The following LHFPL6 variants were observed in gnomAD, a reference collection of about 807,000 sequenced individuals.
LHFPL6 encodes LHFPL tetraspan subfamily member 6, also known as LHFPL tetraspan subfamily member 6 protein.
Under a neutral mutation model 20.6 loss-of-function variants are expected in LHFPL6, and 9 were observed. The ratio of observed to expected loss-of-function variants is 0.44; its 90% CI spans 0.26 to 0.76. The LOEUF is 0.76. LHFPL6 is among the 30% of genes least tolerant of loss of function. The pLI, the probability that LHFPL6 is intolerant of heterozygous loss-of-function variation, is 0.20. For missense variants in LHFPL6, 218 were observed against 253.5 expected (o/e 0.86, Z 0.95); for synonymous variants, 105 against 98.7 (o/e 1.06, Z -0.38).
At chr13:39,596,473 A>G (rs1160793728) in intron 2 of LHFPL6, among the ~76,000 whole-genome samples, 1 of 152,128 alleles carries the variant, frequency 6.6e-6, no homozygotes. Context: ...ACTCCACCAA[A>G]TCTACTGACA....
intron 2 of LHFPL6, among the ~76,000 whole-genome samples, chr13:39,381,613 T>A (rs543105607): frequency 6.6e-6 from 1 of 152,082 alleles, no homozygotes; most frequent in African/African-American, 2.4e-5. Context: ...TAGTCCACCA[T>A]CACTGAAGTC....
chr13:39,586,562 T>C (rs543549911), intron 2 of LHFPL6, among the ~76,000 whole-genome samples: 6 of 152,346 alleles, frequency 3.9e-5, no homozygotes, highest in African/African-American at 9.6e-5. Context: ...TGGCTACTTA[T>C]ATAAACAGAG....
Position 39,389,690 on chromosome 13 carries a change from C to T in LHFPL6, c.386-11164G>A, listed in dbSNP as rs151213417. On this transcript the variant is annotated intron_variant, in intron 2 of 3. Transcript: ENST00000379589. ...GGCAGACAGTGGCATGTTATGTTTG[C>T]ATATGATGACAGAAGATGTTCTATA... is the stretch of plus-strand genomic sequence containing the variant. Among the ~76,000 whole-genome samples the T allele has an allele frequency of 4.8e-3, 729 of 152,278 alleles. 9 individuals carry two copies. Among genetic ancestry groups the T allele is most frequent in the African/African-American group, 0.016 (679 of 41,566 alleles).
rs566246518 is a variant in LHFPL6 at position 39,462,244 on chromosome 13, C to T, written c.386-83718G>A. On this transcript the variant is annotated intron_variant, in intron 2 of 3. Coordinates refer to ENST00000379589, the MANE Select transcript of LHFPL6 (RefSeq NM_005780.3). The stretch of plus-strand genomic sequence containing the variant: ...ACCTTTAGAAGAAGAGGCAGCTCAA[C>T]CCTCAGAAACACTCCCCTCTAAGGA... Among the ~76,000 whole-genome samples, 12 of 152,304 alleles carry T rather than the reference C, an allele frequency of 7.9e-5. No individual in the cohort carries two copies. In the South Asian group the frequency reaches 2.5e-3, roughly 32 times the overall value.
At chr13:39,580,295 T>G (rs1413252294) in intron 2 of LHFPL6, among the ~76,000 whole-genome samples, 1 of 151,958 alleles carries the variant, frequency 6.6e-6, no homozygotes, top group African/African-American at 2.4e-5. Context: ...AAAAAAAAAC[T>G]TGTCCAGACA....
At chr13:39,402,953 T>G (rs1871029516) in intron 2 of LHFPL6, among the ~76,000 whole-genome samples, 1 of 152,222 alleles carries the variant, frequency 6.6e-6, no homozygotes, top group Non-Finnish European at 1.5e-5. Context: ...CCCACAGTAC[T>G]CAAGTCCTCA....
At chr13:39,439,049 A>G (rs1417223973) in intron 2 of LHFPL6, among the ~76,000 whole-genome samples, 1 of 152,148 alleles carries the variant, frequency 6.6e-6, no homozygotes, top group Non-Finnish European at 1.5e-5. Flanking sequence ...AGAATGTTAG[A>G]TCCATCAACA....
At chr13:39,597,642 T>C (rs771446988) in intron 2 of LHFPL6, among the ~76,000 whole-genome samples, 8 of 152,234 alleles carry the variant, frequency 5.3e-5, no homozygotes, top group Non-Finnish European at 1.2e-4. Flanking sequence ...AAGTTAGACA[T>C]AAACATACCT....
At chr13:39,385,646 C>T (rs1182276990) in intron 2 of LHFPL6, among the ~76,000 whole-genome samples, 1 of 152,228 alleles carries the variant, frequency 6.6e-6, no homozygotes, top group Non-Finnish European at 1.5e-5. Flanking sequence ...CTGTAAAGAG[C>T]TCAGTGGTCA....
At chr13:39,433,135 T>G (rs1871861265) in intron 2 of LHFPL6, among the ~76,000 whole-genome samples, 1 of 152,190 alleles carries the variant, frequency 6.6e-6, no homozygotes, top group Admixed American at 6.5e-5. Flanking sequence ...AGCTAAGCTC[T>G]TCTACCTCTA....
intron 3 of LHFPL6, among the ~76,000 whole-genome samples, chr13:39,348,218 C>T (rs73467356): frequency 0.073 from 11,166 of 152,204 alleles, 719 homozygotes; most frequent in African/African-American, 0.17. Flanking sequence ...CAGCCAGTTC[C>T]TCTCTGTCCC....
At chr13:39,433,709 ATGT>A (rs1350249291) in intron 2 of LHFPL6, among the ~76,000 whole-genome samples, 2 of 152,338 alleles carry the variant, frequency 1.3e-5, no homozygotes, top group Non-Finnish European at 1.5e-5. Context: ...GTGACCTCAG[ATGT>A]TGTGGAAATT....
At chr13:39,558,829 T>C (rs1212677020) in intron 2 of LHFPL6, among the ~76,000 whole-genome samples, 1 of 152,238 alleles carries the variant, frequency 6.6e-6, no homozygotes, top group Non-Finnish European at 1.5e-5. Context: ...TGCTTTCCAA[T>C]CTTTAAATAC....
At chr13:39,562,679 TACAC>T (rs1555268309) in intron 2 of LHFPL6, among the ~76,000 whole-genome samples, 7 of 78,008 alleles carry the variant, frequency 9.0e-5, no homozygotes, top group South Asian at 8.5e-4. Context: ...CACACATATA[TACAC>T]ACACACACAC....
chr13:39,491,467 G>C (rs543825485), intron 2 of LHFPL6, among the ~76,000 whole-genome samples: 1 of 152,276 alleles, frequency 6.6e-6, no homozygotes, highest in East Asian at 1.9e-4. Context: ...TGCCTCAAGA[G>C]TCTACATTTT....
Position 39,562,681 on chromosome 13 carries a change from C to CACATATAT in LHFPL6, c.385+38150_385+38151insATATATGT, listed in dbSNP as rs1250589862. On this transcript the variant is annotated intron_variant, in intron 2 of 3. Transcript: ENST00000379589. ...ATACACATATATACACACATATATA[C>CACATATAT]ACACACACACACACATATATATATA... Among the ~76,000 whole-genome samples, 325 of 120,328 alleles carry CACATATAT rather than the reference C, an allele frequency of 2.7e-3. 3 individuals carry two copies. The highest frequency in any genetic ancestry group is 8.8e-3 in the African/African-American group (285 of 32,244). The allele number at this position is 120,328 out of a possible 152,430, so 78.9% of individuals were successfully genotyped here. A position where few individuals can be genotyped will look rare whatever the true frequency, so the allele number is the denominator to read the frequency against.
chr13:39,556,772 T>A (rs967944949), intron 2 of LHFPL6, among the ~76,000 whole-genome samples: 2 of 152,076 alleles, frequency 1.3e-5, no homozygotes, highest in African/African-American at 2.4e-5. Flanking sequence ...GGACTAGACC[T>A]GGCAACATAG....
intron 2 of LHFPL6, among the ~76,000 whole-genome samples, chr13:39,488,966 C>T (rs1482397181): frequency 1.3e-5 from 2 of 152,134 alleles, no homozygotes; most frequent in Admixed American, 1.3e-4. Flanking sequence ...CAATAGAAAA[C>T]CGTCTGCTTT....
intron 2 of LHFPL6, among the ~76,000 whole-genome samples, chr13:39,523,426 G>C (rs765881136): frequency 2.0e-5 from 3 of 152,044 alleles, no homozygotes; most frequent in Non-Finnish European, 4.4e-5. Flanking sequence ...AAAATTAACC[G>C]GGCGAGGTGG....
Sources: allele counts gnomAD v4.1 joint callset (sites outside exome capture counted in the v4.1 genomes callset), GRCh38; gene constraint gnomAD v4.1.1; transcripts MANE v1.5; gene names NCBI Gene and HGNC (gene_info 2026-07-23, HGNC 2026-07-21).